Variants in A1CF observed in about 807,000 individuals in gnomAD.
The protein encoded by A1CF is APOBEC-1 stimulating protein.
Under a neutral mutation model 68.9 loss-of-function variants are expected in A1CF, and 48 were observed. The ratio of observed to expected loss-of-function variants is 0.70; its 90% CI spans 0.55 to 0.89. A1CF has a LOEUF of 0.89. A1CF is among the 40% of genes least tolerant of loss of function. The pLI is 0.00. For missense variants in A1CF, 653 were observed against 718.9 expected (o/e 0.91, Z 1.05); for synonymous variants, 272 against 260.4 (o/e 1.04, Z -0.43).
chr10:50,820,157 G>C (rs938802179), intron 8 of A1CF, among the ~76,000 whole-genome samples: 2 of 152,144 alleles, frequency 1.3e-5, no homozygotes, highest in Admixed American at 1.3e-4. Flanking sequence ...AACTATGAAG[G>C]CAGAATAACA....
intron 5 of A1CF, among the ~76,000 whole-genome samples, chr10:50,838,439 A>G (rs7912576): frequency 1.2e-3 from 188 of 152,326 alleles, no homozygotes; most frequent in African/African-American, 4.0e-3. Flanking sequence ...TAATGTATTT[A>G]GAAATTATAT....
chr10:50,871,511 C>T (rs771997367), intron 1 of A1CF, among the ~76,000 whole-genome samples: 4 of 151,762 alleles, frequency 2.6e-5, no homozygotes, highest in Admixed American at 6.6e-5. Flanking sequence ...CATAGTTCAC[C>T]GGGCAGGAAC....
chr10:50,823,318 T>C (rs1347868490), intron 7 of A1CF, among the ~76,000 whole-genome samples: 1 of 152,164 alleles, frequency 6.6e-6, no homozygotes, highest in Non-Finnish European at 1.5e-5. Flanking sequence ...TGTTTAATAA[T>C]TGATCCTCAT....
In A1CF at chr10:50,827,506, A is replaced by T. The variant is rs149681590; in HGVS notation, c.769+625T>A. Among the ~76,000 whole-genome samples, 110 of 152,352 alleles carry T rather than the reference A, an allele frequency of 7.2e-4. 2 individuals are homozygous for T. The East Asian group carries it at 0.015, about 20-fold the overall frequency. On this transcript the variant is annotated intron_variant, in intron 7 of 12. Transcript: ENST00000373997. ...ACCCCAAACCACTCAACTACAAGGAAACTGAACAGCCTGCTCCTGAATGAC... is the reference window on the plus strand; with the variant it reads ...ACCCCAAACCACTCAACTACAAGGATACTGAACAGCCTGCTCCTGAATGAC...
intron 7 of A1CF, among the ~76,000 whole-genome samples, chr10:50,822,356 A>T (rs559093496): frequency 5.3e-5 from 8 of 152,310 alleles, no homozygotes; most frequent in Middle Eastern, 3.4e-3. Context: ...ACTTGGGTGT[A>T]CCTTGAGAGT....
intron 8 of A1CF, among the ~76,000 whole-genome samples, chr10:50,819,732 G>C (rs1838554394): frequency 6.6e-6 from 1 of 152,110 alleles, no homozygotes; most frequent in African/African-American, 2.4e-5. Flanking sequence ...GTGCCTCTAA[G>C]ACTTCCTGTC....
In A1CF at chr10:50,809,912, C is replaced by T. The variant is rs376140648; in HGVS notation, c.1591G>A (p.Ala531Thr). The change falls in exon 12 of 13, where the codon GCT (alanine) becomes ACT (threonine). Residue 531 changes from alanine to threonine, a missense_variant. Ala to Thr is a moderately conservative substitution (Grantham distance 58). Transcript: ENST00000373997. ...CCCATACCTGGGAAAGCAGTAGCAGCAGCAGCAGCAGTAGCCATGGTGCCA... is the reference window on the plus strand; with the variant it reads ...CCCATACCTGGGAAAGCAGTAGCAGTAGCAGCAGCAGTAGCCATGGTGCCA... Reference protein sequence around the residue: ...GDGTMATAAAAATAFPGYAVP... With the variant: ...GDGTMATAAATATAFPGYAVP... The T allele has an allele frequency of 1.9e-6, 3 of 1,613,410 alleles. No individual in the cohort carries two copies. The highest frequency in any genetic ancestry group is 2.7e-5 in the African/African-American group (2 of 74,930).
intron 1 of A1CF, among the ~76,000 whole-genome samples, chr10:50,875,901 A>G (rs1841490741): frequency 6.6e-6 from 1 of 152,204 alleles, no homozygotes; most frequent in Middle Eastern, 3.2e-3. Flanking sequence ...GAAACAGTTC[A>G]GCCCCTTAAC....
At chr10:50,871,107 C>G (rs902522789) in intron 1 of A1CF, among the ~76,000 whole-genome samples, 1 of 151,630 alleles carries the variant, frequency 6.6e-6, no homozygotes, top group African/African-American at 2.4e-5. Flanking sequence ...GAGCATCTCT[C>G]AGAAACATGA....
Position 50,810,021 on chromosome 10 carries a change from C to A in A1CF, c.1482G>T (p.Lys494Asn). ...NPAIHPFTPP[K>N]LSAFVDEAKT... Reference sequence around the variant, plus strand: ...TTGCTTCATCCACAAAGGCACTCAGCTTTGGAGGTGTGAAAGGGTGGCTGG... The same window carrying A: ...TTGCTTCATCCACAAAGGCACTCAGATTTGGAGGTGTGAAAGGGTGGCTGG... Residue 494 changes from lysine to asparagine, a missense_variant, in exon 12 of 13, where the codon AAG (lysine) becomes AAT (asparagine). Physicochemically the swap from Lys to Asn is moderately conservative, Grantham distance 94 (BLOSUM62 0). Coordinates refer to ENST00000373997, the MANE Select transcript of A1CF (RefSeq NM_014576.4). 6.2e-7 allele frequency: 1 copy of A among 1,613,892 alleles called. No homozygotes were observed. The highest frequency in any genetic ancestry group is 8.5e-7 in the Non-Finnish European group (1 of 1,179,870).
rs1460760328 is a variant in A1CF at position 50,824,778 on chromosome 10, G to A, written c.769+3353C>T. 2.6e-5 allele frequency among the ~76,000 whole-genome samples: 4 copies of A among 152,114 alleles called. No homozygotes were observed. The East Asian group carries it at 7.7e-4, about 29-fold the overall frequency. On this transcript the variant is annotated intron_variant, in intron 7 of 12. Coordinates refer to ENST00000373997, the MANE Select transcript of A1CF (RefSeq NM_014576.4). Reference sequence around the variant, plus strand: ...ACCTGAGTTCAAATCCAGGATCTGCGACCTGCTAGCTGTGTGAACCTGGGC... The same window carrying A: ...ACCTGAGTTCAAATCCAGGATCTGCAACCTGCTAGCTGTGTGAACCTGGGC...
rs561213993 is a variant in A1CF, at chr10:50,837,406, T to C, written c.366-1094A>G. ...CATTTGGCAAAATGTATCAAAAGTC[T>C]TAAGTGTGCACAACCTTTGACCAAA... On this transcript the variant is annotated intron_variant, in intron 5 of 12. Coordinates refer to ENST00000373997, the MANE Select transcript of A1CF (RefSeq NM_014576.4). 5.2e-4 allele frequency among the ~76,000 whole-genome samples: 79 copies of C among 152,296 alleles called. No individual in the cohort carries two copies. In the South Asian group the frequency reaches 0.016, roughly 32 times the overall value.
Position 50,803,752 on chromosome 10 carries a change from C to T in A1CF, c.*2977G>A, listed in dbSNP as rs763487949. Reference sequence around the variant, plus strand: ...AACTAATTCAAATTTACTGGATGTTCCTAAATTATTGTTTTGTTATTATCA... The same window carrying T: ...AACTAATTCAAATTTACTGGATGTTTCTAAATTATTGTTTTGTTATTATCA... On this transcript the variant is annotated 3_prime_UTR_variant, in exon 13 of 13. Transcript: ENST00000373997. 4.6e-5 allele frequency: 7 copies of T among 151,984 alleles called. No homozygotes were observed. Among genetic ancestry groups the T allele is most frequent in the Non-Finnish European group, 8.8e-5 (6 of 67,998 alleles). 9.4% of individuals were successfully genotyped at this position (151,984 alleles called of 1,614,324 possible).
chr10:50,846,812 G>GAA (rs1052758860), intron 3 of A1CF, among the ~76,000 whole-genome samples: 5 of 152,050 alleles, frequency 3.3e-5, no homozygotes, highest in Middle Eastern at 3.4e-3. Context: ...ATAAACACTT[G>GAA]AAAAAAAATC....
At chr10:50,827,413 C>G (rs1839002578) in intron 7 of A1CF, among the ~76,000 whole-genome samples, 1 of 152,080 alleles carries the variant, frequency 6.6e-6, no homozygotes, top group South Asian at 2.1e-4. Context: ...TGTAAAAGAA[C>G]AGAAATTATA....
At chr10:50,818,517 A>T (rs977811837) in intron 8 of A1CF, among the ~76,000 whole-genome samples, 4 of 152,052 alleles carry the variant, frequency 2.6e-5, no homozygotes, top group Non-Finnish European at 5.9e-5. Context: ...AATTATTCCA[A>T]CGTAATTTTT....
chr10:50,860,510 T>C (rs1311076147), intron 2 of A1CF, among the ~76,000 whole-genome samples: 1 of 152,178 alleles, frequency 6.6e-6, no homozygotes, highest in Non-Finnish European at 1.5e-5. Flanking sequence ...TGCAAAGTAC[T>C]CTATGTAATA....
intron 8 of A1CF, among the ~76,000 whole-genome samples, chr10:50,817,779 T>C (rs951003229): frequency 6.6e-6 from 1 of 152,226 alleles, no homozygotes; most frequent in Non-Finnish European, 1.5e-5. Flanking sequence ...ACAAATTTTG[T>C]TCTGCCTTCC....
In A1CF at chr10:50,851,508, G is replaced by T. The variant is rs370706306; in HGVS notation, c.100-7386C>A. Among the ~76,000 whole-genome samples the T allele has an allele frequency of 3.5e-4, 53 of 152,182 alleles. 2 individuals are homozygous for T. In the South Asian group the frequency reaches 1.0e-2, roughly 29 times the overall value. On this transcript the variant is annotated intron_variant, in intron 3 of 12. Transcript: ENST00000373997. Reference sequence around the variant, plus strand: ...GCTTATATCAAAAAGAAAATATATTGTTCTTATAAGTGGAATATCAGTATC... The same window carrying T: ...GCTTATATCAAAAAGAAAATATATTTTTCTTATAAGTGGAATATCAGTATC...
Sources: gnomAD v4.1 joint callset for allele counts (sites outside exome capture counted in the v4.1 genomes callset) on GRCh38, gnomAD v4.1.1 for gene constraint, MANE v1.5 for transcripts, NCBI Gene and HGNC (gene_info 2026-07-23, HGNC 2026-07-21) for gene names.